The following A2ML1 variants were observed in gnomAD, a reference collection of about 807,000 sequenced individuals.
A2ML1 encodes alpha-2-macroglobulin-like protein 1.
In A2ML1, 161 loss-of-function variants were observed where a neutral mutation model predicts 181.9. The observed-to-expected ratio is 0.89, with a 90% CI of 0.78 to 1.01. A2ML1 has a LOEUF of 1.01. Among genes scored for constraint, A2ML1 ranks in the 50% least tolerant of loss-of-function variants. A2ML1 has a pLI of 0.00. For synonymous variants in A2ML1, 663 were observed against 666.8 expected, an observed-to-expected ratio of 0.99 and a Z score of 0.09; for missense variants, 1,670 against 1,768.1, an observed-to-expected ratio of 0.94 and a Z score of 1.00.
chr12:8,857,856 T>C, intron 25 of A2ML1, 90 bp from the exon 26 acceptor site: 3 of 1,532,680 alleles, frequency 2.0e-6, no homozygotes, highest in Non-Finnish European at 2.7e-6. Flanking sequence ...GCTCCCCTTC[T>C]GGAAGTATAC....
chr12:8,883,942 C>T (rs537425883), intron 7 of A2ML1, among the ~76,000 whole-genome samples: 1,532 of 152,120 alleles, frequency 0.01, 29 homozygotes, highest in African/African-American at 0.035. Context: ...CCCGCCAACA[C>T]GCCTGGCTAA....
chr12:8,836,206 C>T (rs768664370), intron 6 of A2ML1, 49 bp from the exon 7 acceptor site: 2 of 1,510,212 alleles, frequency 1.3e-6, no homozygotes, highest in Non-Finnish European at 1.8e-6. Flanking sequence ...GCCTGTCTGA[C>T]TGATTCCTCC....
At position 8,852,278 on chromosome 12, in the gene A2ML1, T is replaced by C; in HGVS notation, c.2532T>C (p.Ser844=). The change falls in exon 20 of 36, where the codon AGT becomes AGC. Residue 844 remains serine, a synonymous_variant. Coordinates refer to ENST00000299698, the MANE Select transcript of A2ML1 (RefSeq NM_144670.6). This position sits in a 1 kb window ranked among gnomAD's most constrained non-coding sequence, Gnocchi z 4.2. ...LESWADSQTS[S]CLCADDAKTH... is the part of the protein sequence containing the mutation. ...CATGGGCAGATTCTCAGACCTCCAGTTGTCTCTGTGCTGATGACGCAAAAA... is the reference window on the plus strand; with the variant it reads ...CATGGGCAGATTCTCAGACCTCCAGCTGTCTCTGTGCTGATGACGCAAAAA... 6.2e-7 allele frequency: 1 copy of C among 1,614,124 alleles called. No homozygotes were observed. Among genetic ancestry groups the C allele is most frequent in the Non-Finnish European group, 8.5e-7 (1 of 1,180,018 alleles).
rs117033574 is a variant in A2ML1, at chr12:8,857,011, G to T, written c.2849-153G>T. 0.053 allele frequency among the ~76,000 whole-genome samples: 7,941 copies of T among 150,798 alleles called. 307 individuals carry two copies. Among genetic ancestry groups the T allele is most frequent in the Non-Finnish European group, 0.085 (5,797 of 67,846 alleles). On this transcript the variant is annotated intron_variant, in intron 23 of 35. Coordinates refer to ENST00000299698, the MANE Select transcript of A2ML1 (RefSeq NM_144670.6). Reference sequence around the variant, plus strand: ...TCCACCCTCCTCGGCCTCCCATACTGCTGGAATTACAGGCGTGAGCCACCA... The same window carrying T: ...TCCACCCTCCTCGGCCTCCCATACTTCTGGAATTACAGGCGTGAGCCACCA...
intron 3 of A2ML1, among the ~76,000 whole-genome samples, chr12:8,825,725 T>C (rs1211845700): frequency 2.2e-5 from 3 of 136,822 alleles, no homozygotes; most frequent in East Asian, 1.9e-4. Flanking sequence ...GTTTCATAGA[T>C]TGAGGTATTA....
chr12:8,850,071 A>G (rs1406550550), intron 17 of A2ML1, 89 bp from the exon 18 acceptor site: 3 of 1,017,086 alleles, frequency 2.9e-6, no homozygotes, highest in Non-Finnish European at 4.3e-6. Flanking sequence ...TTCCCTCTAA[A>G]TTTCTTTCTA....
intron 3 of A2ML1, among the ~76,000 whole-genome samples, chr12:8,825,990 A>G (rs1377086889): frequency 6.6e-6 from 1 of 152,194 alleles, no homozygotes; most frequent in African/African-American, 2.4e-5. Context: ...TGGTTACTAT[A>G]GCTTTGCAGT....
downstream of A2ML1, among the ~76,000 whole-genome samples, chr12:8,880,025 A>C (rs1025397072): frequency 2.6e-4 from 39 of 152,228 alleles, no homozygotes; most frequent in Admixed American, 8.5e-4. Context: ...ACAAATTAAC[A>C]GTTATAATAC....
intron 33 of A2ML1, among the ~76,000 whole-genome samples, chr12:8,870,582 T>G (rs1216179329): frequency 6.6e-6 from 1 of 152,210 alleles, no homozygotes; most frequent in Non-Finnish European, 1.5e-5. Context: ...GTGTATAGTT[T>G]CTTTTGAGAC....
chr12:8,885,871 A>G (rs750674380), intron 7 of A2ML1, among the ~76,000 whole-genome samples: 1 of 152,190 alleles, frequency 6.6e-6, no homozygotes. Context: ...GGCTCAGATC[A>G]TCTATTGAAA....
At chr12:8,846,262 C>T (rs1943682198) in intron 14 of A2ML1, 40 bp downstream of exon 14, 1 of 1,611,064 alleles carries the variant, frequency 6.2e-7, no homozygotes, top group Non-Finnish European at 8.5e-7. Flanking sequence ...AAAAGTTGGG[C>T]ATAGAGAAAG....
intron 33 of A2ML1, among the ~76,000 whole-genome samples, chr12:8,869,986 G>T (rs1310917348): frequency 6.6e-6 from 1 of 152,104 alleles, no homozygotes; most frequent in Admixed American, 6.5e-5. Flanking sequence ...ATCAGACATT[G>T]TATGTAACCT....
downstream of A2ML1, among the ~76,000 whole-genome samples, chr12:8,880,343 T>TG (rs1195099150): frequency 6.6e-6 from 1 of 151,672 alleles, no homozygotes; most frequent in East Asian, 1.9e-4. Flanking sequence ...TCCAGGAGCC[T>TG]GGGCAACAGA....
At chr12:8,878,726 G>A (rs1315880209), downstream of A2ML1, among the ~76,000 whole-genome samples, 1 of 152,204 alleles carries the variant, frequency 6.6e-6, no homozygotes, top group Admixed American at 6.5e-5. The surrounding 1 kb of genome is among the most constrained non-coding windows in gnomAD (Gnocchi z 4.4). Context: ...CACTTTGGTA[G>A]TCCAAGGTGG....
rs1943228626 is a variant in A2ML1 at position 8,835,061 on chromosome 12, T to A, written c.483+379T>A. 4 of 288,576 alleles carry A rather than the reference T, an allele frequency of 1.4e-5. No individual in the cohort carries two copies. The East Asian group carries it at 2.8e-4, about 20-fold the overall frequency. The allele number at this position is 288,576 out of a possible 1,614,324, so 17.9% of individuals were successfully genotyped here. Reference sequence around the variant, plus strand: ...AACATAAACACCTGTGAGAAGTATTTTAAAGGAAAGGCTCTAGAAGGTGAT... The same window carrying A: ...AACATAAACACCTGTGAGAAGTATTATAAAGGAAAGGCTCTAGAAGGTGAT... On this transcript the variant is annotated intron_variant, in intron 5 of 35. Transcript: ENST00000299698.
chr12:8,829,259 G>GC (rs1183333205), intron 3 of A2ML1, among the ~76,000 whole-genome samples: 44 of 152,298 alleles, frequency 2.9e-4, no homozygotes, highest in African/African-American at 9.9e-4. Flanking sequence ...CTCCAGGCCT[G>GC]TGTTTGGACT....
chr12:8,846,048 T>A, intron 13 of A2ML1, 29 bp from the exon 14 acceptor site: 13 of 1,612,038 alleles, frequency 8.1e-6, no homozygotes, highest in Non-Finnish European at 1.0e-5. Context: ...GCATTCTGAT[T>A]TTCCTGTATA....
At chr12:8,846,775 C>A in intron 14 of A2ML1, among the ~76,000 whole-genome samples, 1 of 147,030 alleles carries the variant, frequency 6.8e-6, no homozygotes, top group Non-Finnish European at 1.5e-5. Context: ...CACACCATTA[C>A]ACTCCAGCCT....
intron 15 of A2ML1, 110 bp downstream of exon 15, chr12:8,847,808 A>C: frequency 7.3e-7 from 1 of 1,372,000 alleles, no homozygotes; most frequent in Non-Finnish European, 9.8e-7. Context: ...ATGCACTGCC[A>C]TAAGGCGGTA....
Sources: allele counts gnomAD v4.1 joint callset (sites outside exome capture counted in the v4.1 genomes callset), GRCh38; gene constraint gnomAD v4.1.1; non-coding constraint Gnocchi (gnomAD v3.1); transcripts MANE v1.5; gene names NCBI Gene and HGNC (gene_info 2026-07-23, HGNC 2026-07-21).